Variants in DCAF5 observed in about 807,000 individuals in gnomAD.
The protein encoded by DCAF5 is DDB1 and CUL4 associated factor 5.
In DCAF5, 9 loss-of-function variants were observed where a neutral mutation model predicts 80.7. The observed-to-expected ratio is 0.11, with a 90% CI of 0.07 to 0.19. The LOEUF is 0.19. Among genes scored for constraint, DCAF5 ranks in the 10% least tolerant of loss-of-function variants. The pLI is 1.00. For missense variants in DCAF5, 842 were observed against 1,205.7 expected, an observed-to-expected ratio of 0.70 and a Z score of 4.47; for synonymous variants, 433 against 461.9, an observed-to-expected ratio of 0.94 and a Z score of 0.80.
At chr14:69,103,044 A>T (rs1304889826) in intron 5 of DCAF5, among the ~76,000 whole-genome samples, 1 of 152,202 alleles carries the variant, frequency 6.6e-6, no homozygotes, top group Non-Finnish European at 1.5e-5. Flanking sequence ...TTTCAGCTCC[A>T]TTATAATCTT....
chr14:69,086,214 C>T (rs1248841351), intron 6 of DCAF5, among the ~76,000 whole-genome samples: 1 of 151,936 alleles, frequency 6.6e-6, no homozygotes, highest in African/African-American at 2.4e-5. Flanking sequence ...AAAAATTAAC[C>T]GGGCGTGGTG....
intron 1 of DCAF5, among the ~76,000 whole-genome samples, chr14:69,135,100 T>C (rs758921756): frequency 4.6e-5 from 7 of 152,198 alleles, no homozygotes; most frequent in Non-Finnish European, 1.0e-4. Context: ...TTCAGAACAG[T>C]TGTTCTCGAA....
chr14:69,084,376 T>C, intron 6 of DCAF5: 1 of 921,508 alleles, frequency 1.1e-6, no homozygotes, highest in Admixed American at 1.7e-5. Flanking sequence ...TGGTTATCGA[T>C]GAAGCTGATC....
At chr14:69,091,225 C>T in intron 6 of DCAF5, 1 of 697,288 alleles carries the variant, frequency 1.4e-6, no homozygotes, top group Non-Finnish European at 2.6e-6. Flanking sequence ...CCCATTTCAT[C>T]CAAGAAAAAG....
At chr14:69,077,144 T>C (rs939588803) in intron 6 of DCAF5, among the ~76,000 whole-genome samples, 4 of 152,244 alleles carry the variant, frequency 2.6e-5, no homozygotes, top group East Asian at 1.9e-4. Context: ...CAGCATTACT[T>C]CGTCCTGTCT....
chr14:69,122,658 A>C (rs1196586600), intron 1 of DCAF5, among the ~76,000 whole-genome samples: 1 of 152,158 alleles, frequency 6.6e-6, no homozygotes, highest in Non-Finnish European at 1.5e-5. Flanking sequence ...AGTTGTTTAA[A>C]TATTTCTTCA....
intron 5 of DCAF5, among the ~76,000 whole-genome samples, chr14:69,115,493 T>C (rs1366135444): frequency 1.3e-5 from 2 of 152,202 alleles, no homozygotes; most frequent in African/African-American, 2.4e-5. Flanking sequence ...ATGATATTCT[T>C]CTGCAACACT....
At chr14:69,135,520 G>A (rs962366879) in intron 1 of DCAF5, among the ~76,000 whole-genome samples, 1 of 152,100 alleles carries the variant, frequency 6.6e-6, no homozygotes, top group African/African-American at 2.4e-5. Context: ...GAGCTGAACT[G>A]GCTGCTTTTT....
intron 7 of DCAF5, among the ~76,000 whole-genome samples, chr14:69,069,196 A>T (rs2038586103): frequency 6.6e-6 from 1 of 152,196 alleles, no homozygotes; most frequent in South Asian, 2.1e-4. Context: ...GCCCAAAAAA[A>T]TGCATTTACA....
rs2040614386 is a variant in DCAF5 at position 69,118,712 on chromosome 14, G to C, written c.396-434C>G. On this transcript the variant is annotated intron_variant, in intron 3 of 8. Transcript: ENST00000341516. This position sits in a 1 kb window ranked among gnomAD's most constrained non-coding sequence, Gnocchi z 4.0. ...GATGAAGAGCATGGCTCTGAGGCCA[G>C]ATAGCCTAAGTTCAGGTTTTAGTAC... Among the ~76,000 whole-genome samples, 2 of 152,184 alleles carry C rather than the reference G, an allele frequency of 1.3e-5. No homozygotes were observed. Among genetic ancestry groups the C allele is most frequent in the Admixed American group, 1.3e-4 (2 of 15,268 alleles).
intron 1 of DCAF5, among the ~76,000 whole-genome samples, chr14:69,146,880 T>A (rs1395099445): frequency 6.6e-6 from 1 of 152,230 alleles, no homozygotes; most frequent in Non-Finnish European, 1.5e-5. Context: ...ATGTCTATAC[T>A]ATGAAAGCTT....
At chr14:69,063,754 T>C (rs1421509766) in intron 7 of DCAF5, among the ~76,000 whole-genome samples, 1 of 152,250 alleles carries the variant, frequency 6.6e-6, no homozygotes, top group African/African-American at 2.4e-5. Flanking sequence ...ACTCTTCTTT[T>C]GTCTCATGGA....
intron 5 of DCAF5, among the ~76,000 whole-genome samples, chr14:69,102,980 T>C (rs2040016462): frequency 6.6e-6 from 1 of 152,136 alleles, no homozygotes; most frequent in Admixed American, 6.5e-5. Context: ...CACAAACACA[T>C]GAAGAATGTG....
At chr14:69,084,828 T>G in intron 6 of DCAF5, 1 of 1,074,506 alleles carries the variant, frequency 9.3e-7, no homozygotes, top group Non-Finnish European at 1.4e-6. Context: ...TGTACAGATG[T>G]GGCAGCAAGA....
intron 1 of DCAF5, among the ~76,000 whole-genome samples, chr14:69,147,711 C>T (rs1188140304): frequency 6.6e-6 from 1 of 152,156 alleles, no homozygotes; most frequent in African/African-American, 2.4e-5. Context: ...AACTAAATGA[C>T]TCTCCCCATT....
intron 5 of DCAF5, among the ~76,000 whole-genome samples, chr14:69,097,483 T>TA (rs1339087542): frequency 1.3e-5 from 2 of 152,104 alleles, no homozygotes; most frequent in African/African-American, 4.8e-5. Flanking sequence ...AATTAGCACC[T>TA]ACTATATGCA....
At chr14:69,126,311 C>T (rs1185331244) in intron 1 of DCAF5, among the ~76,000 whole-genome samples, 5 of 151,986 alleles carry the variant, frequency 3.3e-5, no homozygotes, top group Admixed American at 2.0e-4. Flanking sequence ...ACACCCACCA[C>T]CACGCCCAGC....
intron 5 of DCAF5, among the ~76,000 whole-genome samples, chr14:69,115,281 G>T (rs978350057): frequency 2.0e-5 from 3 of 152,176 alleles, no homozygotes; most frequent in Admixed American, 1.3e-4. Flanking sequence ...CTGCTGCCCT[G>T]AGGAAGCTTA....
In DCAF5 at chr14:69,084,363, G is replaced by T; in HGVS notation, c.879+7311C>A. 7 of 921,500 alleles carry T rather than the reference G, an allele frequency of 7.6e-6. No homozygotes were observed. The South Asian group carries it at 9.1e-5, about 12-fold the overall frequency. 57.1% of individuals were successfully genotyped at this position (921,500 alleles called of 1,614,324 possible). A position where few individuals can be genotyped will look rare whatever the true frequency, so the allele number is the denominator to read the frequency against. On this transcript the variant is annotated intron_variant, in intron 6 of 8. Coordinates refer to ENST00000341516, the MANE Select transcript of DCAF5 (RefSeq NM_003861.3). ...GGGTTTATGTATAAAAATCTGCAGT[G>T]TCTGGTTATCGATGAAGCTGATCGT...
Sources: allele counts gnomAD v4.1 joint callset (sites outside exome capture counted in the v4.1 genomes callset), GRCh38; gene constraint gnomAD v4.1.1; non-coding constraint Gnocchi (gnomAD v3.1); transcripts MANE v1.5; gene names NCBI Gene and HGNC (gene_info 2026-07-23, HGNC 2026-07-21).